MYBPC3: variants seen among roughly 807,000 people sequenced by gnomAD.
MYBPC3 encodes myosin-binding protein C, cardiac-type.
MYBPC3 carries 108 observed loss-of-function variants against 159.3 expected under a neutral mutation model. That is an observed-to-expected ratio of 0.68 (90% CI 0.58 to 0.80). The LOEUF (loss-of-function observed/expected upper bound fraction) is 0.80. Among genes scored for constraint, MYBPC3 ranks in the 30% least tolerant of loss-of-function variants. The pLI is 0.00. For synonymous variants in MYBPC3, 730 were observed against 702.0 expected (o/e 1.04, Z -0.63); for missense variants, 1,631 against 1,762.1 (o/e 0.93, Z 1.33).
Position 47,346,861 on chromosome 11 carries a change from T to C in MYBPC3, c.908+166A>G, listed in dbSNP as rs189846614. Reference sequence around the variant, plus strand: ...CTTATCCCTCCTAAGCTCTGACAGATAGGTGGGTGGCAGGAGAAGCCCAAG... The same window carrying C: ...CTTATCCCTCCTAAGCTCTGACAGACAGGTGGGTGGCAGGAGAAGCCCAAG... On this transcript the variant is annotated intron_variant, in intron 10 of 34. Coordinates refer to ENST00000545968, the MANE Select transcript of MYBPC3 (RefSeq NM_000256.3). The surrounding 1 kb of genome is among the most constrained non-coding windows in gnomAD (Gnocchi z 5.3). Among the ~76,000 whole-genome samples the C allele has an allele frequency of 3.0e-3, 454 of 152,178 alleles. 3 individuals are homozygous for C. The highest frequency in any genetic ancestry group is 2.1e-3 in the Non-Finnish European group (143 of 67,980).
chr11:47,347,201 T>C, intron 9 of MYBPC3, 172 bp from the exon 10 acceptor site: 2 of 985,132 alleles, frequency 2.0e-6, no homozygotes, highest in Non-Finnish European at 2.4e-6. Context: ...CAGCCTCAAG[T>C]GTGGAGTGGC....
In MYBPC3 at chr11:47,342,841, C is replaced by A. The variant is rs747627648; in HGVS notation, c.1446G>T (p.Ala482=). 1.2e-5 allele frequency: 20 copies of A among 1,612,196 alleles called. No homozygotes were observed. In the East Asian group the frequency reaches 4.5e-4, roughly 36 times the overall value. ...CTTCTGGAACTCACCATTTGACTTG[C>A]GCCCCCTCCTCCGATACTTCACACT... The part of the protein sequence containing the change: ...EFECEVSEEG[A]QVKWLKDGVE... Residue 482 remains alanine, a synonymous_variant, in exon 16 of 35, where the codon GCG becomes GCT. Transcript: ENST00000545968.
chr11:47,351,998 T>C lies in MYBPC3; in HGVS notation c.26-493A>G, dbSNP rs1164519642. On this transcript the variant is annotated intron_variant, in intron 1 of 34. Coordinates refer to ENST00000545968, the MANE Select transcript of MYBPC3 (RefSeq NM_000256.3). The surrounding 1 kb of genome is among the most constrained non-coding windows in gnomAD (Gnocchi z 4.2). ...GGATCTCTGCCCTGGACAACCTTCA[T>C]AAGGGCACAGCCCAGGCCCAGGTCC... 1.3e-5 allele frequency among the ~76,000 whole-genome samples: 2 copies of C among 151,864 alleles called. No homozygotes were observed. The highest frequency in any genetic ancestry group is 3.9e-4 in the East Asian group (2 of 5,140).
chr11:47,333,867 A>G (rs1342006688), intron 28 of MYBPC3, 55 bp downstream of exon 28: 1 of 1,553,992 alleles, frequency 6.4e-7, no homozygotes, highest in East Asian at 2.4e-5. Flanking sequence ...ACTGGATGGG[A>G]ACAACACACT....
At chr11:47,339,444 T>C (rs1337881505) in intron 21 of MYBPC3, 40 bp from the exon 22 acceptor site, 2 of 1,598,744 alleles carry the variant, frequency 1.3e-6, no homozygotes, top group Admixed American at 1.7e-5. Context: ...GCAGAGGAGC[T>C]GACTCAGCCT....
intron 1 of MYBPC3, among the ~76,000 whole-genome samples, chr11:47,352,283 G>A (rs1204720994): frequency 6.6e-6 from 1 of 152,104 alleles, no homozygotes; most frequent in Non-Finnish European, 1.5e-5. Flanking sequence ...ACTAAACGTG[G>A]GCTCTGTCCG....
chr11:47,350,150 G>A, intron 3 of MYBPC3, 38 bp from the exon 4 acceptor site: 13 of 1,536,214 alleles, frequency 8.5e-6, no homozygotes, highest in Non-Finnish European at 1.1e-5. Flanking sequence ...TTGAGATGGA[G>A]TCTTGCTCTG....
intron 18 of MYBPC3, among the ~76,000 whole-genome samples, chr11:47,341,502 T>G (rs1595845718): frequency 6.6e-6 from 1 of 152,104 alleles, no homozygotes; most frequent in Admixed American, 6.6e-5. Flanking sequence ...AGGGGCTGGG[T>G]CTCATTAATC....
chr11:47,333,907 G>C lies in MYBPC3; in HGVS notation c.2994+15C>G. 1 of 1,564,122 alleles carries C rather than the reference G, an allele frequency of 6.4e-7. No homozygotes were observed. The highest frequency in any genetic ancestry group is 1.2e-5 in the South Asian group (1 of 85,058). On this transcript the variant is annotated intron_variant, in intron 28 of 34. Coordinates refer to ENST00000545968, the MANE Select transcript of MYBPC3 (RefSeq NM_000256.3). ...CCTCTCTCCCCTGGGGGACAGGGAA[G>C]GGGGCCAGTCCCACCTGGAAAGGGA...
chr11:47,345,762 G>A (rs2095893481), intron 12 of MYBPC3, among the ~76,000 whole-genome samples: 1 of 152,186 alleles, frequency 6.6e-6, no homozygotes, highest in Admixed American at 6.5e-5. Context: ...TTGCCTGTGT[G>A]TGGCTCTCCA....
At position 47,332,971 on chromosome 11, in the gene MYBPC3, C is replaced by T. The variant is rs1026643094; in HGVS notation, c.3333G>A (p.Glu1111=). The T allele has an allele frequency of 6.2e-7, 1 of 1,608,590 alleles. No homozygotes were observed. The highest frequency in any genetic ancestry group is 1.7e-5 in the Admixed American group (1 of 59,404). The change falls in exon 31 of 35, where the codon GAG becomes GAA. Residue 1111 remains glutamate (E), a splice_region_variant and synonymous_variant. Transcript: ENST00000545968. This position sits in a 1 kb window ranked among gnomAD's most constrained non-coding sequence, Gnocchi z 4.2. ...GGTAATGCTCCAAGACGGTGAACCA[C>T]TCCTGGGGGCAGGGAGGGAGGGGAG... ...TVQKADKKTM[E]WFTVLEHYRR...
At position 47,332,169 on chromosome 11, in the gene MYBPC3, C is replaced by A; in HGVS notation, c.3717G>T (p.Glu1239Asp). The A allele has an allele frequency of 6.2e-7, 1 of 1,613,862 alleles. No homozygotes were observed. Among genetic ancestry groups the A allele is most frequent in the East Asian group, 2.2e-5 (1 of 44,890 alleles). Residue 1239 changes from glutamate to aspartate, a missense_variant, in exon 33 of 35, where the codon GAG (glutamate) becomes GAT (aspartate). Physicochemically the swap from Glu to Asp is conservative, Grantham distance 45. Transcript: ENST00000545968. This position sits in a 1 kb window ranked among gnomAD's most constrained non-coding sequence, Gnocchi z 4.2. ...CGTCAAAGGGGCAGGGCTTTCTAAT[C>A]TCCAGAGTCAACACTCCCTGCTTGC... ...MFSKQGVLTL[E>D]IRKPCPFDGG...
chr11:47,338,809 G>A lies in MYBPC3; in HGVS notation c.2149-130C>T. The A allele has an allele frequency of 8.6e-7, 1 of 1,158,246 alleles. No homozygotes were observed. Among genetic ancestry groups the A allele is most frequent in the South Asian group, 1.6e-5 (1 of 61,384 alleles). The allele number at this position is 1,158,246 out of a possible 1,614,324, so 71.7% of individuals were successfully genotyped here. ...CTGTGGGAAGACTGCATCCACGTCAGCATCTAGTTCAAAATCATCTCTGTG... is the reference window on the plus strand; with the variant it reads ...CTGTGGGAAGACTGCATCCACGTCAACATCTAGTTCAAAATCATCTCTGTG... On this transcript the variant is annotated intron_variant, in intron 22 of 34. Coordinates refer to ENST00000545968, the MANE Select transcript of MYBPC3 (RefSeq NM_000256.3). The surrounding 1 kb of genome is among the most constrained non-coding windows in gnomAD (Gnocchi z 4.7).
Position 47,338,799 on chromosome 11 carries a change from A to C in MYBPC3, c.2149-120T>G. On this transcript the variant is annotated intron_variant, in intron 22 of 34. Transcript: ENST00000545968. The surrounding 1 kb of genome is among the most constrained non-coding windows in gnomAD (Gnocchi z 4.7). The stretch of plus-strand genomic sequence containing the variant: ...GGAACACAGCCTGTGGGAAGACTGC[A>C]TCCACGTCAGCATCTAGTTCAAAAT... The C allele has an allele frequency of 8.3e-7, 1 of 1,208,576 alleles. No individual in the cohort carries two copies. The highest frequency in any genetic ancestry group is 1.1e-6 in the Non-Finnish European group (1 of 888,414). 74.9% of individuals were successfully genotyped at this position (1,208,576 alleles called of 1,614,324 possible).
Position 47,339,701 on chromosome 11 carries a change from T to C in MYBPC3, c.2017A>G (p.Ile673Val). ...ACAGTGGGAGCAGGGTCCCCAGAGA[T>C]AGGGACGTCCAGACGTAGCTTATTT... is the stretch of plus-strand genomic sequence containing the variant. ...AGNKLRLDVP[I>V]SGDPAPTVIW... Residue 673 changes from isoleucine to valine, a missense_variant, in exon 21 of 35, where the codon ATC (isoleucine) becomes GTC (valine). Coordinates refer to ENST00000545968, the MANE Select transcript of MYBPC3 (RefSeq NM_000256.3). 1 of 1,613,582 alleles carries C rather than the reference T, an allele frequency of 6.2e-7. No homozygotes were observed. Among genetic ancestry groups the C allele is most frequent in the Non-Finnish European group, 8.5e-7 (1 of 1,179,664 alleles).
Position 47,347,647 on chromosome 11 carries a change from G to C in MYBPC3, c.851+4C>G. 1.9e-6 allele frequency: 3 copies of C among 1,574,622 alleles called. No individual in the cohort carries two copies. The highest frequency in any genetic ancestry group is 2.6e-6 in the Non-Finnish European group (3 of 1,160,274). On this transcript the variant is annotated splice_donor_region_variant and intron_variant, in intron 8 of 34. Transcript: ENST00000545968. ...GGTGCAGGTAGGGCCTGGGGCAGGG[G>C]TACCTGATCCGCCGACCACCTCCAG...
Position 47,349,929 on chromosome 11 carries a change from AG to A in MYBPC3, c.506-8del, listed in dbSNP as rs752908508. ...GAGAAGGTGATGCTGCCACCTGCAA[AG>A]GCAGGGGCGACAGGCCCGGCTTGGG... On this transcript the variant is annotated splice_region_variant and splice_polypyrimidine_tract_variant and intron_variant, in intron 4 of 34. Coordinates refer to ENST00000545968, the MANE Select transcript of MYBPC3 (RefSeq NM_000256.3). The A allele has an allele frequency of 9.1e-6, 14 of 1,535,476 alleles. No individual in the cohort carries two copies. In the Admixed American group the frequency reaches 1.4e-4, roughly 15 times the overall value.
rs1443164591 is a variant in MYBPC3 at position 47,351,313 on chromosome 11, G to A, written c.218C>T (p.Pro73Leu). 1.9e-6 allele frequency: 3 copies of A among 1,582,506 alleles called. No homozygotes were observed. The highest frequency in any genetic ancestry group is 1.8e-5 in the Admixed American group (1 of 55,672). Residue 73 changes from proline to leucine, a missense_variant, in exon 2 of 35, where the codon CCT (proline) becomes CTT (leucine). Transcript: ENST00000545968. The surrounding 1 kb of genome is among the most constrained non-coding windows in gnomAD (Gnocchi z 4.2). ...GACTGCGTAAGATCCCTGGTCGGCAGGGCCCACTTCCCGCACTGTCAGCGT... is the reference window on the plus strand; with the variant it reads ...GACTGCGTAAGATCCCTGGTCGGCAAGGCCCACTTCCCGCACTGTCAGCGT... Reference protein sequence around the residue: ...RHTLTVREVGPADQGSYAVIA... With the variant: ...RHTLTVREVGLADQGSYAVIA...
Position 47,347,641 on chromosome 11 carries a change from G to A in MYBPC3, c.851+10C>T, listed in dbSNP as rs1192990641. 6.4e-7 allele frequency: 1 copy of A among 1,574,006 alleles called. No individual in the cohort carries two copies. The highest frequency in any genetic ancestry group is 1.3e-5 in the African/African-American group (1 of 74,140). On this transcript the variant is annotated intron_variant, in intron 8 of 34. Transcript: ENST00000545968. ...GCGGATGGTGCAGGTAGGGCCTGGG[G>A]CAGGGGTACCTGATCCGCCGACCAC... is the stretch of plus-strand genomic sequence containing the variant.
Sources: allele counts gnomAD v4.1 joint callset (sites outside exome capture counted in the v4.1 genomes callset), GRCh38; gene constraint gnomAD v4.1.1; non-coding constraint Gnocchi (gnomAD v3.1); transcripts MANE v1.5; gene names NCBI Gene and HGNC (gene_info 2026-07-23, HGNC 2026-07-21).